The following PCDHA7 variants were observed in gnomAD, a reference collection of about 807,000 sequenced individuals.
PCDHA7 encodes the protein protocadherin alpha 7.
In PCDHA7, 37 loss-of-function variants were observed where a neutral mutation model predicts 57.2. That is an observed-to-expected ratio of 0.65 (90% CI 0.50 to 0.85). The LOEUF (loss-of-function observed/expected upper bound fraction) is 0.85, where lower values mean the gene tolerates loss of function less well. Among genes scored for constraint, PCDHA7 ranks in the 40% least tolerant of loss-of-function variants. PCDHA7 has a pLI of 0.00. For synonymous variants in PCDHA7, 553 were observed against 558.8 expected (o/e 0.99, Z 0.15); for missense variants, 1,188 against 1,241.8 (o/e 0.96, Z 0.65).
chr5:140,850,292 C>G lies in PCDHA7; in HGVS notation c.2355+13554C>G, dbSNP rs2150478092. The stretch of plus-strand genomic sequence containing the variant: ...TGGGGAAGGTGCGCGCAGTGGACGC[C>G]GACTCGGGCTACAACGCGTGGCTTT... On this transcript the variant is annotated intron_variant, in intron 1 of 3. Transcript: ENST00000525929. 30 of 1,595,922 alleles carry G rather than the reference C, an allele frequency of 1.9e-5. 3 individuals are homozygous for G. The highest frequency in any genetic ancestry group is 6.7e-5 in the East Asian group (3 of 44,830).
intron 1 of PCDHA7, among the ~76,000 whole-genome samples, chr5:140,932,340 C>G (rs1339952181): frequency 6.6e-6 from 1 of 151,864 alleles, no homozygotes; most frequent in Non-Finnish European, 1.5e-5. Flanking sequence ...GCATGAAACA[C>G]TTACCATACA....
intron 1 of PCDHA7, chr5:140,966,215 A>G (rs1554228144): frequency 4.1e-6 from 1 of 244,868 alleles, no homozygotes; most frequent in Non-Finnish European, 7.7e-6. Flanking sequence ...CTTTTCCCAG[A>G]CTAATCTCCT....
chr5:140,977,314 C>T (rs905353961), intron 1 of PCDHA7, among the ~76,000 whole-genome samples: 1 of 152,152 alleles, frequency 6.6e-6, no homozygotes, highest in Non-Finnish European at 1.5e-5. Context: ...AACGATAGTG[C>T]TCCTGATGGC....
chr5:140,893,112 G>T (rs782797637), intron 1 of PCDHA7, among the ~76,000 whole-genome samples: 5 of 152,148 alleles, frequency 3.3e-5, no homozygotes, highest in Non-Finnish European at 7.3e-5. Flanking sequence ...ATTCCGTTGT[G>T]CATATACACC....
intron 1 of PCDHA7, chr5:140,869,449 G>C (rs1562628506): frequency 9.3e-6 from 15 of 1,614,196 alleles, no homozygotes; most frequent in Non-Finnish European, 1.3e-5. Context: ...GCCGCTGCAG[G>C]TTTTCCATGT....
intron 1 of PCDHA7, chr5:140,842,871 T>A (rs1554139485): frequency 4.4e-6 from 7 of 1,593,666 alleles, no homozygotes; most frequent in Middle Eastern, 2.1e-4. Context: ...AGCGGCAAGG[T>A]GTACGCGCTG....
intron 1 of PCDHA7, chr5:140,969,215 C>A (rs782320507): frequency 6.2e-7 from 1 of 1,614,010 alleles, no homozygotes; most frequent in Admixed American, 1.7e-5. Context: ...CCAGACAGGA[C>A]CAGGGCCTTC....
In PCDHA7 at chr5:140,835,661, C is replaced by G; in HGVS notation, c.1278C>G (p.Thr426=). 1 of 1,613,886 alleles carries G rather than the reference C, an allele frequency of 6.2e-7. No homozygotes were observed. Among genetic ancestry groups the G allele is most frequent in the Non-Finnish European group, 8.5e-7 (1 of 1,179,874 alleles). ...TGTCCGCCTATGAGCTGGTGGTTAC[C>G]GCGCGGGACGGGGGCTCGCCTTCTC... ...ESVSAYELVV[T]ARDGGSPSLW... The change falls in exon 1 of 4, where the codon ACC becomes ACG. Residue 426 remains threonine, a synonymous_variant. Transcript: ENST00000525929.
chr5:140,960,588 T>A (rs2095557494), intron 1 of PCDHA7, among the ~76,000 whole-genome samples: 1 of 152,166 alleles, frequency 6.6e-6, no homozygotes, highest in African/African-American at 2.4e-5. Flanking sequence ...ACAGTTCAAA[T>A]TCAAGGTACT....
At chr5:141,005,288 T>A (rs908780920) in intron 3 of PCDHA7, among the ~76,000 whole-genome samples, 1 of 152,176 alleles carries the variant, frequency 6.6e-6, no homozygotes. Flanking sequence ...AACAGATACA[T>A]TTTTTGCCTT....
intron 3 of PCDHA7, among the ~76,000 whole-genome samples, chr5:141,000,877 C>T (rs2097970762): frequency 6.6e-6 from 1 of 151,952 alleles, no homozygotes; most frequent in Non-Finnish European, 1.5e-5. Context: ...CATTGTACTC[C>T]AACCTGGGCA....
intron 1 of PCDHA7, chr5:140,871,022 A>G (rs2052630009): frequency 6.2e-7 from 1 of 1,613,114 alleles, no homozygotes; most frequent in African/African-American, 1.3e-5. Context: ...GACGAGGCAG[A>G]CTCGCCGCGC....
chr5:140,836,418 T>G lies in PCDHA7; in HGVS notation c.2035T>G (p.Ser679Ala), dbSNP rs1470820599. ...LVESGQAPKA[S>A]SRASLGIAGP... ...GGAAAGCGGCCAGGCACCAAAGGCG[T>G]CGTCGCGGGCATCGTTGGGCATTGC... The change falls in exon 1 of 4, where the codon TCG (serine) becomes GCG (alanine). Residue 679 changes from serine to alanine, a missense_variant. Coordinates refer to ENST00000525929, the MANE Select transcript of PCDHA7 (RefSeq NM_018910.3). 6.2e-7 allele frequency: 1 copy of G among 1,613,726 alleles called. No individual in the cohort carries two copies. Among genetic ancestry groups the G allele is most frequent in the Non-Finnish European group, 8.5e-7 (1 of 1,179,834 alleles).
At chr5:140,934,430 G>A (rs1249557283) in intron 1 of PCDHA7, among the ~76,000 whole-genome samples, 1 of 152,108 alleles carries the variant, frequency 6.6e-6, no homozygotes, top group Non-Finnish European at 1.5e-5. Context: ...CAATGCAAGT[G>A]TAAATATAGT....
At chr5:140,929,721 ATTTAC>A in intron 1 of PCDHA7, 2 of 222,496 alleles carry the variant, frequency 9.0e-6, no homozygotes, top group Non-Finnish European at 9.4e-6. Context: ...AAGGTGAAAC[ATTTAC>A]TTAAACTATT....
chr5:140,882,352 T>A, intron 1 of PCDHA7: 1 of 1,614,166 alleles, frequency 6.2e-7, no homozygotes, highest in Non-Finnish European at 8.5e-7. Context: ...AGACGGGTAG[T>A]GGCCAGCTCC....
intron 1 of PCDHA7, among the ~76,000 whole-genome samples, chr5:140,939,735 G>A (rs2092448026): frequency 6.6e-6 from 1 of 152,174 alleles, no homozygotes; most frequent in South Asian, 2.1e-4. Flanking sequence ...GTGTGTAGCT[G>A]TGTATCATTC....
At chr5:140,975,343 A>G (rs997568363) in intron 1 of PCDHA7, among the ~76,000 whole-genome samples, 1 of 152,224 alleles carries the variant, frequency 6.6e-6, no homozygotes, top group Middle Eastern at 3.2e-3. Context: ...TCCCTTTCTT[A>G]AAGCCAACTG....
In PCDHA7 at chr5:140,926,298, C is replaced by G. The variant is rs1337047837; in HGVS notation, c.2356-52651C>G. 3.3e-5 allele frequency: 5 copies of G among 152,328 alleles called. No homozygotes were observed. In the East Asian group the frequency reaches 5.8e-4, roughly 18 times the overall value. The allele number at this position is 152,328 out of a possible 1,614,324, so 9.4% of individuals were successfully genotyped here. Reference sequence around the variant, plus strand: ...TCGGCAGCTCCACGCTGAGTCCCGCCCTCTCCGCCGGAGAGGTGCGCCGGG... The same window carrying G: ...TCGGCAGCTCCACGCTGAGTCCCGCGCTCTCCGCCGGAGAGGTGCGCCGGG... On this transcript the variant is annotated intron_variant, in intron 1 of 3. Coordinates refer to ENST00000525929, the MANE Select transcript of PCDHA7 (RefSeq NM_018910.3).
Sources: allele counts gnomAD v4.1 joint callset (sites outside exome capture counted in the v4.1 genomes callset), GRCh38; gene constraint gnomAD v4.1.1; transcripts MANE v1.5; gene names NCBI Gene and HGNC (gene_info 2026-07-23, HGNC 2026-07-21).